The following TBCD variants were observed in gnomAD, a reference collection of about 807,000 sequenced individuals.
The protein encoded by TBCD is tubulin-specific chaperone D.
Under a neutral mutation model 169.3 loss-of-function variants are expected in TBCD, and 105 were observed. The ratio of observed to expected loss-of-function variants is 0.62; its 90% confidence interval spans 0.53 to 0.73. TBCD has a LOEUF of 0.73. TBCD is among the 30% of genes least tolerant of loss of function. The pLI is 0.00. For missense variants in TBCD, 1,444 were observed against 1,600.1 expected (o/e 0.90, Z 1.66); for synonymous variants, 700 against 643.9 (o/e 1.09, Z -1.32).
chr17:82,939,732 G>A (rs1250226474), intron 37 of TBCD, among the ~76,000 whole-genome samples: 1 of 152,232 alleles, frequency 6.6e-6, no homozygotes, highest in Non-Finnish European at 1.5e-5. Context: ...AGGGGAGCGG[G>A]CACCTGTACC....
Position 82,927,958 on chromosome 17 carries a change from G to T in TBCD, c.2663G>T (p.Arg888Leu), listed in dbSNP as rs761114963. 3 of 1,612,696 alleles carry T rather than the reference G, an allele frequency of 1.9e-6. No homozygotes were observed. In the Admixed American group the frequency reaches 5.0e-5, roughly 27 times the overall value. ...ATGGATCTGACACTTCTGCTGGCTC[G>T]GAGCCAGCCTGAGCTGATCGAGGCC... ...SLMDLTLLLA[R>L]SQPELIEAHT... Residue 888 changes from arginine to leucine, a missense_variant, in exon 30 of 39, where the codon CGG becomes CTG. By Grantham distance (102) the Arg-to-Leu change is moderately radical. Coordinates refer to ENST00000355528, the MANE Select transcript of TBCD (RefSeq NM_005993.5).
At chr17:82,803,166 C>G (rs1034671374) in intron 9 of TBCD, among the ~76,000 whole-genome samples, 7 of 152,180 alleles carry the variant, frequency 4.6e-5, no homozygotes, top group Admixed American at 1.3e-4. Flanking sequence ...CTGGTTCATC[C>G]CACTCCTCCT....
At chr17:82,844,577 T>C (rs2054841551) in intron 13 of TBCD, among the ~76,000 whole-genome samples, 1 of 152,134 alleles carries the variant, frequency 6.6e-6, no homozygotes, top group Non-Finnish European at 1.5e-5. Context: ...GCTGGGCTTC[T>C]TGGTCTGAGG....
At chr17:82,816,937 G>A (rs1179723543) in intron 13 of TBCD, among the ~76,000 whole-genome samples, 3 of 150,980 alleles carry the variant, frequency 2.0e-5, no homozygotes, top group Non-Finnish European at 4.4e-5. Flanking sequence ...AGTGACTGAT[G>A]ACACTGAGCA....
intron 13 of TBCD, among the ~76,000 whole-genome samples, chr17:82,857,417 T>C (rs2056400158): frequency 6.6e-6 from 1 of 152,222 alleles, no homozygotes; most frequent in South Asian, 2.1e-4. Context: ...GTTGTCTTTT[T>C]TTTTCTTTTG....
At position 82,915,223 on chromosome 17, in the gene TBCD, C is replaced by T. The variant is rs548108748; in HGVS notation, c.2038+3434C>T. On this transcript the variant is annotated intron_variant, in intron 23 of 38. Transcript: ENST00000355528. This position sits in a 1 kb window ranked among gnomAD's most constrained non-coding sequence, Gnocchi z 4.3. ...GGACGCCGGCATGTCGGTGACATGC[C>T]GCCCGCAGGAGCATCAGGTGCGCCC... Among the ~76,000 whole-genome samples the T allele has an allele frequency of 1.3e-5, 2 of 152,186 alleles. No homozygotes were observed. The highest frequency in any genetic ancestry group is 1.9e-4 in the East Asian group (1 of 5,170).
At chr17:82,901,580 G>A (rs919085104) in intron 18 of TBCD, among the ~76,000 whole-genome samples, 3 of 149,996 alleles carry the variant, frequency 2.0e-5, no homozygotes, top group Non-Finnish European at 4.4e-5. Flanking sequence ...GCTACCTGCG[G>A]TGGTCCTGCT....
At chr17:82,897,506 A>G (rs1260737315) in intron 17 of TBCD, among the ~76,000 whole-genome samples, 1 of 118,474 alleles carries the variant, frequency 8.4e-6, no homozygotes, top group Admixed American at 9.3e-5. Flanking sequence ...CAGCAGAATG[A>G]GACTCCGTCT....
intron 15 of TBCD, among the ~76,000 whole-genome samples, chr17:82,888,140 C>T (rs531961403): frequency 2.6e-4 from 40 of 152,268 alleles, no homozygotes; most frequent in Admixed American, 1.1e-3. Flanking sequence ...CTTTTTAAGA[C>T]GTGAAGACTT....
At chr17:82,855,694 C>A (rs967996534) in intron 13 of TBCD, among the ~76,000 whole-genome samples, 1 of 152,070 alleles carries the variant, frequency 6.6e-6, no homozygotes, top group Admixed American at 6.6e-5. Context: ...TAGTACATAC[C>A]CAATGTTGCA....
chr17:82,852,411 A>G (rs988798416), intron 13 of TBCD, among the ~76,000 whole-genome samples: 1 of 152,168 alleles, frequency 6.6e-6, no homozygotes, highest in Non-Finnish European at 1.5e-5. Context: ...CTCAAGCAGC[A>G]CAAATGTATC....
At chr17:82,817,966 G>A (rs1192076383) in intron 13 of TBCD, among the ~76,000 whole-genome samples, 1 of 152,186 alleles carries the variant, frequency 6.6e-6, no homozygotes, top group Non-Finnish European at 1.5e-5. Context: ...GTGTGTGAAT[G>A]TGTAGCTGGG....
At chr17:82,800,603 G>A (rs914153792) in intron 8 of TBCD, among the ~76,000 whole-genome samples, 15 of 152,144 alleles carry the variant, frequency 9.9e-5, no homozygotes, top group Non-Finnish European at 1.9e-4. Flanking sequence ...GGGCCTTTGT[G>A]TGTGCTGCCC....
chr17:82,802,683 C>T (rs567636409), intron 9 of TBCD, among the ~76,000 whole-genome samples: 10 of 152,308 alleles, frequency 6.6e-5, no homozygotes, highest in East Asian at 1.9e-4. Flanking sequence ...CAGGGAGGGC[C>T]GGCGTTTTGT....
chr17:82,907,912 T>G, intron 21 of TBCD, 91 bp downstream of exon 21: 4 of 1,371,578 alleles, frequency 2.9e-6, no homozygotes, highest in Non-Finnish European at 4.0e-6. Flanking sequence ...GGGTCTGCAG[T>G]CCTGGTGGCC....
At chr17:82,773,361 G>A (rs1005727741) in intron 6 of TBCD, among the ~76,000 whole-genome samples, 10 of 152,194 alleles carry the variant, frequency 6.6e-5, no homozygotes, top group African/African-American at 2.2e-4. Context: ...AGGAAGGAAC[G>A]CCTGAGTCCC....
chr17:82,906,003 C>T lies in TBCD; in HGVS notation c.1872C>T (p.Ala624=). The change falls in exon 20 of 39, where the codon GCC becomes GCT. Residue 624 remains alanine (A), a synonymous_variant. Transcript: ENST00000355528. The stretch of plus-strand genomic sequence containing the variant: ...ACATGAGGCATGGGTCGATTCTCGC[C>T]TGCGCAGAAGTTGCTTACGCCTTGT... ...DLHMRHGSIL[A]CAEVAYALYK... 1 of 1,613,040 alleles carries T rather than the reference C, an allele frequency of 6.2e-7. No individual in the cohort carries two copies. Among genetic ancestry groups the T allele is most frequent in the Non-Finnish European group, 8.5e-7 (1 of 1,179,538 alleles).
At chr17:82,891,644 G>A (rs1199849073) in intron 16 of TBCD, among the ~76,000 whole-genome samples, 1 of 152,202 alleles carries the variant, frequency 6.6e-6, no homozygotes, top group Admixed American at 6.5e-5. Flanking sequence ...CTCGGATTTG[G>A]AGGAGGCTGT....
At chr17:82,790,869 C>A (rs1481333690) in intron 7 of TBCD, among the ~76,000 whole-genome samples, 3 of 152,118 alleles carry the variant, frequency 2.0e-5, no homozygotes, top group East Asian at 1.9e-4. Flanking sequence ...GAAGCTCAGA[C>A]CCCTCTCTGA....
Sources: gnomAD v4.1 joint callset for allele counts (sites outside exome capture counted in the v4.1 genomes callset) on GRCh38, gnomAD v4.1.1 for gene constraint, Gnocchi (gnomAD v3.1) non-coding constraint, MANE v1.5 for transcripts, NCBI Gene and HGNC (gene_info 2026-07-23, HGNC 2026-07-21) for gene names.